The following PCDHGC3 variants were observed in gnomAD, a reference collection of about 807,000 sequenced individuals.
The protein encoded by PCDHGC3 is protocadherin gamma-C3.
A neutral mutation model predicts 59.2 loss-of-function variants in PCDHGC3; 26 were observed. That is an observed-to-expected ratio of 0.44 (90% CI 0.32 to 0.61). PCDHGC3 has a LOEUF of 0.61. Ranked by LOEUF, PCDHGC3 falls within the 20% of genes least tolerant of loss-of-function variation. PCDHGC3 has a pLI of 0.05. For missense variants in PCDHGC3, 1,080 were observed against 1,221.8 expected (o/e 0.88, Z 1.73); for synonymous variants, 487 against 519.7 (o/e 0.94, Z 0.86).
rs753202774 is a variant in PCDHGC3, at chr5:141,487,875, C to A, written c.2431-6932C>A. 33 of 828,628 alleles carry A rather than the reference C, an allele frequency of 4.0e-5. No individual in the cohort carries two copies. Among genetic ancestry groups the A allele is most frequent in the Non-Finnish European group, 5.8e-5 (31 of 536,030 alleles). The allele number at this position is 828,628 out of a possible 1,614,324, so 51.3% of individuals were successfully genotyped here. A position where few individuals can be genotyped will look rare whatever the true frequency, so the allele number is the denominator to read the frequency against. The stretch of plus-strand genomic sequence containing the variant: ...AAGTAATTGGTGATCAAGAGCCAGG[C>A]TGTTGTGGAAGCATGATGATGGAAT... On this transcript the variant is annotated intron_variant, in intron 1 of 3. Coordinates refer to ENST00000308177, the MANE Select transcript of PCDHGC3 (RefSeq NM_002588.4). The surrounding 1 kb of genome is among the most constrained non-coding windows in gnomAD (Gnocchi z 5.0).
Position 141,478,142 on chromosome 5 carries a change from G to A in PCDHGC3, c.2026G>A (p.Glu676Lys). 6 of 1,613,988 alleles carry A rather than the reference G, an allele frequency of 3.7e-6. No individual in the cohort carries two copies. Among genetic ancestry groups the A allele is most frequent in the Non-Finnish European group, 4.2e-6 (5 of 1,180,024 alleles). Residue 676 changes from glutamate (E) to lysine (K), a missense_variant, in exon 1 of 4, where the codon GAG becomes AAG. By Grantham distance (56) the Glu-to-Lys change is moderately conservative. Transcript: ENST00000308177. ...VTEDSPEARA[E>K]FPSGSAPREQ... is the part of the protein sequence containing the mutation. The stretch of plus-strand genomic sequence containing the variant: ...CGAGGACTCTCCTGAAGCCCGAGCC[G>A]AGTTCCCCTCTGGCTCTGCCCCCCG...
At chr5:141,507,286 TC>T in intron 3 of PCDHGC3, 1 of 149,886 alleles carries the variant, frequency 6.7e-6, no homozygotes, top group East Asian at 1.9e-4. Context: ...TAAGTCAGTC[TC>T]AAATGTTGCA....
chr5:141,498,565 G>C (rs2099784348), intron 2 of PCDHGC3, among the ~76,000 whole-genome samples: 1 of 152,044 alleles, frequency 6.6e-6, no homozygotes. Context: ...CTTCAAAGCA[G>C]GGCTAGTATT....
Position 141,486,563 on chromosome 5 carries a change from G to T in PCDHGC3, c.2430+8017G>T, listed in dbSNP as rs558244990. Reference sequence around the variant, plus strand: ...CTTTCAGAGGTCACATGAGGTGTTTGTTCCTGAGAACAATCGCCCAGGGGA... The same window carrying T: ...CTTTCAGAGGTCACATGAGGTGTTTTTTCCTGAGAACAATCGCCCAGGGGA... On this transcript the variant is annotated intron_variant, in intron 1 of 3. Transcript: ENST00000308177. The surrounding 1 kb of genome is among the most constrained non-coding windows in gnomAD (Gnocchi z 5.0). The T allele has an allele frequency of 4.3e-6, 7 of 1,614,006 alleles. No individual in the cohort carries two copies. The highest frequency in any genetic ancestry group is 4.0e-5 in the African/African-American group (3 of 75,054).
intron 1 of PCDHGC3, among the ~76,000 whole-genome samples, chr5:141,492,802 G>A (rs1490284966): frequency 6.6e-6 from 1 of 152,234 alleles, no homozygotes; most frequent in Non-Finnish European, 1.5e-5. Flanking sequence ...GCAGGACTGG[G>A]ACTCCAGTGG....
chr5:141,491,714 C>T lies in PCDHGC3; in HGVS notation c.2431-3093C>T, dbSNP rs1321811999. 2 of 1,608,744 alleles carry T rather than the reference C, an allele frequency of 1.2e-6. No individual in the cohort carries two copies. Among genetic ancestry groups the T allele is most frequent in the Non-Finnish European group, 1.7e-6 (2 of 1,177,916 alleles). The stretch of plus-strand genomic sequence containing the variant: ...GAGCGGAGCCAGGTGAGGGGCTCGG[C>T]GCCGCCCCGGGCGACCCCTGGGGGC... On this transcript the variant is annotated intron_variant, in intron 1 of 3. Coordinates refer to ENST00000308177, the MANE Select transcript of PCDHGC3 (RefSeq NM_002588.4). The surrounding 1 kb of genome is among the most constrained non-coding windows in gnomAD (Gnocchi z 6.9).
rs181495329 is a variant in PCDHGC3, at chr5:141,489,120, G to A, written c.2431-5687G>A. ...AACTGCTGCAAGCAGGCAAACCTCC[G>A]AGCAGTTTTTAAGAGGCTGGAAGGA... is the stretch of plus-strand genomic sequence containing the variant. On this transcript the variant is annotated intron_variant, in intron 1 of 3. Coordinates refer to ENST00000308177, the MANE Select transcript of PCDHGC3 (RefSeq NM_002588.4). This position sits in a 1 kb window ranked among gnomAD's most constrained non-coding sequence, Gnocchi z 4.5. 1.8e-5 allele frequency: 8 copies of A among 445,672 alleles called. No homozygotes were observed. The East Asian group carries it at 1.9e-4, about 11-fold the overall frequency. The allele number at this position is 445,672 out of a possible 1,614,324, so 27.6% of individuals were successfully genotyped here.
intron 2 of PCDHGC3, among the ~76,000 whole-genome samples, chr5:141,498,971 G>GGAA (rs2099787559): frequency 9.0e-6 from 1 of 110,972 alleles, no homozygotes; most frequent in African/African-American, 3.6e-5. Flanking sequence ...GAGGGAGGGA[G>GGAA]GGAAGGAAGG....
chr5:141,489,268 G>C lies in PCDHGC3; in HGVS notation c.2431-5539G>C. 6.4e-7 allele frequency: 1 copy of C among 1,553,286 alleles called. No individual in the cohort carries two copies. The highest frequency in any genetic ancestry group is 8.7e-7 in the Non-Finnish European group (1 of 1,149,780). ...GGGGCCCAAGACACTCCCACAGCTC[G>C]CTGGGAAATGGCAAGTGCTGTGCAT... On this transcript the variant is annotated intron_variant, in intron 1 of 3. Transcript: ENST00000308177. The surrounding 1 kb of genome is among the most constrained non-coding windows in gnomAD (Gnocchi z 4.5).
At position 141,477,115 on chromosome 5, in the gene PCDHGC3, A is replaced by T. The variant is rs1218111107; in HGVS notation, c.999A>T (p.Gly333=). The change falls in exon 1 of 4, where the codon GGA becomes GGT. Residue 333 remains glycine (G), a synonymous_variant. Coordinates refer to ENST00000308177, the MANE Select transcript of PCDHGC3 (RefSeq NM_002588.4). The surrounding 1 kb of genome is among the most constrained non-coding windows in gnomAD (Gnocchi z 4.9). Reference sequence around the variant, plus strand: ...AAGACAAGGGCGCCAATCCCGAAGGAGCACATTGCAAAGTGTTGGTGGAGG... The same window carrying T: ...AAGACAAGGGCGCCAATCCCGAAGGTGCACATTGCAAAGTGTTGGTGGAGG... The part of the protein sequence containing the change: ...QAKDKGANPE[G]AHCKVLVEVV... The T allele has an allele frequency of 6.2e-7, 1 of 1,614,230 alleles. No individual in the cohort carries two copies. Among genetic ancestry groups the T allele is most frequent in the Non-Finnish European group, 8.5e-7 (1 of 1,180,038 alleles).
In PCDHGC3 at chr5:141,495,260, G is replaced by A. The variant is rs368797742; in HGVS notation, c.2489+395G>A. On this transcript the variant is annotated intron_variant, in intron 2 of 3. Transcript: ENST00000308177. ...TATGACCTGGGGCTCAGGCAGAAAA[G>A]CATTTGACCGGAGGAGGCGGTCCGC... Among the ~76,000 whole-genome samples the A allele has an allele frequency of 3.3e-5, 5 of 152,208 alleles. No individual in the cohort carries two copies. The East Asian group carries it at 5.8e-4, about 18-fold the overall frequency.
At chr5:141,504,135 C>G (rs758903340) in intron 2 of PCDHGC3, among the ~76,000 whole-genome samples, 215 of 152,306 alleles carry the variant, frequency 1.4e-3, no homozygotes, top group Middle Eastern at 3.4e-3. Context: ...CCCGCCAACA[C>G]TCCCCTGCAA....
intron 1 of PCDHGC3, among the ~76,000 whole-genome samples, chr5:141,482,530 CAAAA>C (rs3074545): frequency 9.1e-5 from 7 of 76,540 alleles, no homozygotes; most frequent in South Asian, 4.6e-4. Flanking sequence ...GACAGACATG[CAAAA>C]AAAAAAAAAA....
rs2099417733 is a variant in PCDHGC3, at chr5:141,477,771, G to C, written c.1655G>C (p.Ser552Thr). The part of the protein sequence containing the change: ...GGTPVLATNI[S>T]VNIFVTDRND... ...ACCCCGGTCCTAGCCACCAACATCAGCGTGAACATATTTGTCACTGATCGC... is the reference window on the plus strand; with the variant it reads ...ACCCCGGTCCTAGCCACCAACATCACCGTGAACATATTTGTCACTGATCGC... The change falls in exon 1 of 4, where the codon AGC (serine) becomes ACC (threonine). Residue 552 changes from serine (S) to threonine (T), a missense_variant. Physicochemically the swap from Ser to Thr is moderately conservative, Grantham distance 58 (BLOSUM62 1). Transcript: ENST00000308177. This position sits in a 1 kb window ranked among gnomAD's most constrained non-coding sequence, Gnocchi z 4.9. 3 of 1,613,992 alleles carry C rather than the reference G, an allele frequency of 1.9e-6. No homozygotes were observed. The highest frequency in any genetic ancestry group is 3.3e-4 in the Middle Eastern group (2 of 6,062).
rs771145308 is a variant in PCDHGC3 at position 141,478,531 on chromosome 5, C to A, written c.2415C>A (p.Ser805Arg). ...VFYRQVLGAE[S>R]APPGQQAPPN... ...ATAGGCAGGTGTTGGGTGCAGAGAG[C>A]GCCCCTCCCGGACAGGTAAGGTTTA... Residue 805 changes from serine to arginine, a missense_variant, in exon 1 of 4, where the codon AGC becomes AGA. Physicochemically the swap from Ser to Arg is moderately radical, Grantham distance 110. Transcript: ENST00000308177. 8.1e-6 allele frequency: 13 copies of A among 1,608,072 alleles called. No homozygotes were observed. The highest frequency in any genetic ancestry group is 5.1e-5 in the Admixed American group (3 of 58,494).
intron 2 of PCDHGC3, among the ~76,000 whole-genome samples, chr5:141,502,866 C>CTTTTTTCTT (rs2099816532): frequency 7.8e-6 from 1 of 128,046 alleles, no homozygotes; most frequent in African/African-American, 3.1e-5. Context: ...GACTCTCTGT[C>CTTTTTTCTT]TTTTTTTTTT....
At position 141,477,460 on chromosome 5, in the gene PCDHGC3, C is replaced by T; in HGVS notation, c.1344C>T (p.Ser448=). 6.2e-7 allele frequency: 1 copy of T among 1,614,132 alleles called. No individual in the cohort carries two copies. Among genetic ancestry groups the T allele is most frequent in the Non-Finnish European group, 8.5e-7 (1 of 1,180,020 alleles). Residue 448 remains serine, a synonymous_variant, in exon 1 of 4, where the codon TCC becomes TCT. Transcript: ENST00000308177. The surrounding 1 kb of genome is among the most constrained non-coding windows in gnomAD (Gnocchi z 4.9). ...SALTIVRVQV[S]DINDNPPQSS... is the part of the protein sequence containing the mutation. ...TTACAATAGTGCGTGTTCAAGTGTC[C>T]GACATCAATGACAACCCTCCACAAT...
Position 141,505,474 on chromosome 5 carries a change from C to T in PCDHGC3, c.2571C>T (p.Ser857=), listed in dbSNP as rs751690779. The stretch of plus-strand genomic sequence containing the variant: ...TGCTGCAAGCCATGATCTTGGCGTC[C>T]GCCAGTGGTAAGTGGTGTCAGTGTG... ...TEMLQAMILA[S]ASEAADGSST... Residue 857 remains serine, a synonymous_variant, in exon 3 of 4, where the codon TCC becomes TCT. Transcript: ENST00000308177. 2.2e-5 allele frequency: 36 copies of T among 1,614,090 alleles called. No individual in the cohort carries two copies. The highest frequency in any genetic ancestry group is 5.3e-5 in the African/African-American group (4 of 74,934).
intron 2 of PCDHGC3, among the ~76,000 whole-genome samples, chr5:141,497,735 C>T (rs1299892535): frequency 2.6e-5 from 4 of 152,144 alleles, no homozygotes; most frequent in Non-Finnish European, 4.4e-5. Flanking sequence ...AGATGGGTTT[C>T]GCCACGTTGG....
Sources: allele counts gnomAD v4.1 joint callset (sites outside exome capture counted in the v4.1 genomes callset), GRCh38; gene constraint gnomAD v4.1.1; non-coding constraint Gnocchi (gnomAD v3.1); transcripts MANE v1.5; gene names NCBI Gene and HGNC (gene_info 2026-07-23, HGNC 2026-07-21).